CIB4: variants seen among roughly 807,000 people sequenced by gnomAD.
CIB4 encodes the protein calcium and integrin-binding family member 4.
Under a neutral mutation model 25.8 loss-of-function variants are expected in CIB4, and 25 were observed. The ratio of observed to expected loss-of-function variants is 0.97; its 90% CI spans 0.71 to 1.35. CIB4 has a LOEUF of 1.35. Among genes scored for constraint, CIB4 ranks in the 40% most tolerant of loss-of-function variants. CIB4 has a pLI of 0.00. For synonymous variants in CIB4, 75 were observed against 81.4 expected (o/e 0.92, Z 0.42); for missense variants, 235 against 228.2 (o/e 1.03, Z -0.19).
chr2:26,625,391 T>C (rs1050916565), intron 3 of CIB4, among the ~76,000 whole-genome samples: 4 of 147,738 alleles, frequency 2.7e-5, no homozygotes, highest in African/African-American at 1.0e-4. Flanking sequence ...TCGCCCTTGT[T>C]GCCCAGGCTG....
chr2:26,583,718 C>G (rs1016020415), intron 5 of CIB4, 71 bp downstream of exon 5: 1 of 1,013,548 alleles, frequency 9.9e-7, no homozygotes, highest in African/African-American at 1.6e-5. Flanking sequence ...GCCTGACATC[C>G]GGGGGCTTTG....
chr2:26,624,327 C>A (rs1230080477), intron 3 of CIB4, among the ~76,000 whole-genome samples: 1 of 152,170 alleles, frequency 6.6e-6, no homozygotes. Context: ...CAGGCACAGC[C>A]GGGCCCCCAC....
At chr2:26,610,535 G>T (rs1008635025) in intron 3 of CIB4, among the ~76,000 whole-genome samples, 1 of 152,102 alleles carries the variant, frequency 6.6e-6, no homozygotes, top group African/African-American at 2.4e-5. Context: ...TGGGGACTTT[G>T]CCCCAATAGT....
At chr2:26,629,718 C>T (rs1450401682) in intron 2 of CIB4, among the ~76,000 whole-genome samples, 5 of 152,120 alleles carry the variant, frequency 3.3e-5, no homozygotes, top group African/African-American at 4.8e-5. Context: ...ATCCCTGGAC[C>T]CTCCAGTGTG....
intron 1 of CIB4, among the ~76,000 whole-genome samples, chr2:26,640,990 G>A (rs906300845): frequency 3.3e-5 from 5 of 152,212 alleles, no homozygotes; most frequent in African/African-American, 1.2e-4. Flanking sequence ...ATGCAGCCCA[G>A]GACAGCTTTG....
intron 3 of CIB4, among the ~76,000 whole-genome samples, chr2:26,598,127 C>T (rs962343929): frequency 2.6e-5 from 4 of 151,822 alleles, no homozygotes; most frequent in African/African-American, 7.3e-5. Flanking sequence ...TGACGAAACC[C>T]CATCTCAACT....
chr2:26,633,493 C>T (rs977212375), intron 2 of CIB4, among the ~76,000 whole-genome samples: 1 of 152,138 alleles, frequency 6.6e-6, no homozygotes, highest in African/African-American at 2.4e-5. Context: ...AGGTGAGAGA[C>T]TCGAGTCACC....
At chr2:26,611,714 T>A (rs1668998893) in intron 3 of CIB4, among the ~76,000 whole-genome samples, 1 of 152,084 alleles carries the variant, frequency 6.6e-6, no homozygotes, top group Non-Finnish European at 1.5e-5. Flanking sequence ...AACAAATAAA[T>A]AAATAAACCC....
chr2:26,629,365 G>A lies in CIB4; in HGVS notation c.186+45C>T, dbSNP rs539647000. On this transcript the variant is annotated intron_variant, in intron 3 of 6. Transcript: ENST00000288861. ...CCAGCACCCATCAGCCCATCAGCAG[G>A]TCCCACTGATGCTGCCCTTGCCCCA... 19 of 1,282,136 alleles carry A rather than the reference G, an allele frequency of 1.5e-5. No individual in the cohort carries two copies. In the African/African-American group the frequency reaches 1.9e-4, roughly 13 times the overall value. 79.4% of individuals were successfully genotyped at this position (1,282,136 alleles called of 1,614,324 possible).
At chr2:26,609,405 T>A (rs1017284034) in intron 3 of CIB4, among the ~76,000 whole-genome samples, 2 of 152,056 alleles carry the variant, frequency 1.3e-5, no homozygotes, top group African/African-American at 4.8e-5. Flanking sequence ...CTCCCCAGCC[T>A]TCAGTGGTGC....
chr2:26,626,745 C>T (rs1257079007), intron 3 of CIB4, among the ~76,000 whole-genome samples: 1 of 152,126 alleles, frequency 6.6e-6, no homozygotes, highest in African/African-American at 2.4e-5. Flanking sequence ...ATCCCAGCCC[C>T]GGCCTGTGCA....
At chr2:26,582,203 G>A (rs552897341) in intron 6 of CIB4, among the ~76,000 whole-genome samples, 16 of 152,282 alleles carry the variant, frequency 1.1e-4, no homozygotes, top group African/African-American at 2.4e-4. Context: ...GGGCAGAGTC[G>A]GACCCAGGAG....
chr2:26,621,141 C>T (rs1669196103), intron 3 of CIB4, among the ~76,000 whole-genome samples: 1 of 151,024 alleles, frequency 6.6e-6, no homozygotes, highest in Non-Finnish European at 1.5e-5. Flanking sequence ...AGTTTCCAGA[C>T]TGAGTGGGTC....
chr2:26,600,179 C>T (rs1251992125), intron 3 of CIB4, among the ~76,000 whole-genome samples: 1 of 126,028 alleles, frequency 7.9e-6, no homozygotes, highest in East Asian at 1.9e-4. Flanking sequence ...CCAAGGCAGG[C>T]AGATCACCTG....
intron 3 of CIB4, among the ~76,000 whole-genome samples, chr2:26,618,674 C>A (rs1018029935): frequency 2.0e-5 from 3 of 152,174 alleles, no homozygotes; most frequent in Non-Finnish European, 4.4e-5. Flanking sequence ...GGGGTCCAGT[C>A]GGACCGGGTG....
rs2148188770 is a variant in CIB4 at position 26,586,507 on chromosome 2, C to G, written c.329-2609G>C. The stretch of plus-strand genomic sequence containing the variant: ...GTGTTATTAGCTCGTTTATTTCCCT[C>G]CACTTGCATATAAATTCCACAAGGG... On this transcript the variant is annotated intron_variant, in intron 4 of 6. Transcript: ENST00000288861. Among the ~76,000 whole-genome samples the G allele has an allele frequency of 1.3e-5, 2 of 152,356 alleles. 1 individual carries two copies. Among genetic ancestry groups the G allele is most frequent in the African/African-American group, 4.8e-5 (2 of 41,586 alleles).
At chr2:26,610,017 G>A (rs1406799591) in intron 3 of CIB4, among the ~76,000 whole-genome samples, 2 of 152,216 alleles carry the variant, frequency 1.3e-5, no homozygotes, top group Non-Finnish European at 2.9e-5. Flanking sequence ...TCTGCTTCTC[G>A]TGGGAGCAGG....
intron 4 of CIB4, among the ~76,000 whole-genome samples, chr2:26,586,339 C>T (rs993849276): frequency 9.2e-5 from 14 of 152,230 alleles, no homozygotes; most frequent in Non-Finnish European, 2.9e-5. Context: ...CTCCTCGGGA[C>T]ACTCTCACCC....
At chr2:26,621,327 G>C (rs114394220) in intron 3 of CIB4, among the ~76,000 whole-genome samples, 1 of 149,622 alleles carries the variant, frequency 6.7e-6, no homozygotes, top group Non-Finnish European at 1.5e-5. Flanking sequence ...CAATAACAAC[G>C]GTGAAAGCTA....
Sources: gnomAD v4.1 joint callset for allele counts (sites outside exome capture counted in the v4.1 genomes callset) on GRCh38, gnomAD v4.1.1 for gene constraint, MANE v1.5 for transcripts, NCBI Gene and HGNC (gene_info 2026-07-23, HGNC 2026-07-21) for gene names.